The following CBFA2T2 variants were observed in gnomAD, a reference collection of about 807,000 sequenced individuals.
CBFA2T2 encodes CBFA2/RUNX1 partner transcriptional co-repressor 2, also known as protein CBFA2T2.
CBFA2T2 carries 11 observed loss-of-function variants against 62.2 expected under a neutral mutation model. That is an observed-to-expected ratio of 0.18 (90% CI 0.11 to 0.29). CBFA2T2 has a LOEUF of 0.29. Among genes scored for constraint, CBFA2T2 ranks in the 10% least tolerant of loss-of-function variants. CBFA2T2 has a pLI of 1.00. For missense variants in CBFA2T2, 592 were observed against 774.1 expected (o/e 0.76, Z 2.79); for synonymous variants, 295 against 287.5 (o/e 1.03, Z -0.27).
chr20:33,585,137 C>T (rs1367556002), intron 1 of CBFA2T2, among the ~76,000 whole-genome samples: 1 of 152,104 alleles, frequency 6.6e-6, no homozygotes, highest in East Asian at 1.9e-4. Flanking sequence ...AATGAGGTCC[C>T]TATAGCTAGA....
Position 33,552,811 on chromosome 20 carries a change from T to G in CBFA2T2, c.35-54145T>G, listed in dbSNP as rs376780201. ...CCATACATGCTGACTTCCTCCTGCT[T>G]CTTTCTGCTAGTCATACCTTTTACC... On this transcript the variant is annotated intron_variant, in intron 1 of 10. Coordinates refer to ENST00000342704, the MANE Select transcript of CBFA2T2 (RefSeq NM_001032999.3). Among the ~76,000 whole-genome samples, 45 of 152,306 alleles carry G rather than the reference T, an allele frequency of 3.0e-4. 1 individual carries two copies. The East Asian group carries it at 7.9e-3, about 27-fold the overall frequency.
intron 1 of CBFA2T2, among the ~76,000 whole-genome samples, chr20:33,510,585 G>A (rs569881669): frequency 1.8e-4 from 27 of 152,196 alleles, no homozygotes; most frequent in South Asian, 8.3e-4. Flanking sequence ...GAATAGTGCC[G>A]CAATAAACAT....
chr20:33,497,461 T>C (rs1031844590), intron 1 of CBFA2T2, among the ~76,000 whole-genome samples: 1 of 151,694 alleles, frequency 6.6e-6, no homozygotes, highest in African/African-American at 2.4e-5. Context: ...TCTTTCTAGT[T>C]CCATTATTAA....
chr20:33,504,403 C>CTTTTTTTT (rs533648842), intron 1 of CBFA2T2, among the ~76,000 whole-genome samples: 1 of 117,552 alleles, frequency 8.5e-6, no homozygotes, highest in South Asian at 2.6e-4. Context: ...TCATATTTAA[C>CTTTTTTTT]TTTTTTTTTT....
At chr20:33,512,010 C>T (rs1023876460) in intron 1 of CBFA2T2, among the ~76,000 whole-genome samples, 1 of 152,164 alleles carries the variant, frequency 6.6e-6, no homozygotes, top group African/African-American at 2.4e-5. Context: ...AACCCTGCCT[C>T]TACTAAAAAT....
At chr20:33,581,459 A>G (rs895908291) in intron 1 of CBFA2T2, among the ~76,000 whole-genome samples, 5 of 151,458 alleles carry the variant, frequency 3.3e-5, no homozygotes, top group African/African-American at 1.2e-4. Context: ...CTGTAACTCA[A>G]GGTTTTTTGT....
chr20:33,492,481 CA>C (rs2011154756), intron 1 of CBFA2T2, among the ~76,000 whole-genome samples: 2 of 150,694 alleles, frequency 1.3e-5, no homozygotes, highest in Non-Finnish European at 3.0e-5. Context: ...CCCAAAAGCA[CA>C]ACTTTTGCTT....
chr20:33,490,441 A>C, intron 1 of CBFA2T2, 140 bp downstream of exon 1: 1 of 895,712 alleles, frequency 1.1e-6, no homozygotes, highest in Non-Finnish European at 1.5e-6. Flanking sequence ...ATCCAAGGTC[A>C]CGCAGCGGGG....
chr20:33,600,182 G>GTTTTTTTTTTTTTT (rs1183371343), intron 1 of CBFA2T2, among the ~76,000 whole-genome samples: 2 of 62,048 alleles, frequency 3.2e-5, no homozygotes, highest in Admixed American at 3.7e-4. Context: ...CTTTTGGAAA[G>GTTTTTTTTTTTTTT]TTTTTTTTTT....
intron 7 of CBFA2T2, 105 bp from the exon 8 acceptor site, chr20:33,629,614 G>T: frequency 9.9e-7 from 1 of 1,011,956 alleles, no homozygotes; most frequent in Admixed American, 2.4e-5. Flanking sequence ...TCCTAAATCT[G>T]TACTTTAAGG....
At chr20:33,559,003 G>T (rs1307882735) in intron 1 of CBFA2T2, among the ~76,000 whole-genome samples, 1 of 151,978 alleles carries the variant, frequency 6.6e-6, no homozygotes, top group Non-Finnish European at 1.5e-5. Context: ...AGTTCATATA[G>T]GAAAGACAGA....
At chr20:33,496,325 G>C (rs2011198987) in intron 1 of CBFA2T2, among the ~76,000 whole-genome samples, 1 of 152,202 alleles carries the variant, frequency 6.6e-6, no homozygotes, top group Admixed American at 6.5e-5. Flanking sequence ...CCTGGCAGGG[G>C]CCAGATGGCA....
At chr20:33,547,073 A>G (rs1205938513) in intron 1 of CBFA2T2, among the ~76,000 whole-genome samples, 2 of 152,024 alleles carry the variant, frequency 1.3e-5, no homozygotes, top group Non-Finnish European at 2.9e-5. Context: ...TGGGGTACAC[A>G]TCTGTAGTCC....
chr20:33,542,547 CAT>C (rs1402292522), intron 1 of CBFA2T2, among the ~76,000 whole-genome samples: 2 of 152,072 alleles, frequency 1.3e-5, no homozygotes, highest in African/African-American at 4.8e-5. Context: ...ATATTGTGGA[CAT>C]ATGCATTTGA....
intron 8 of CBFA2T2, among the ~76,000 whole-genome samples, chr20:33,630,378 G>A (rs1195212063): frequency 1.3e-5 from 2 of 152,232 alleles, no homozygotes; most frequent in African/African-American, 4.8e-5. Context: ...GTCAAATTCA[G>A]CCTGGCTGGA....
chr20:33,507,208 T>C (rs143032056), intron 1 of CBFA2T2, among the ~76,000 whole-genome samples: 13 of 152,332 alleles, frequency 8.5e-5, no homozygotes, highest in Admixed American at 6.5e-4. Flanking sequence ...ATATTTACTT[T>C]GACAAACGTT....
chr20:33,573,467 ACTTCTT>A (rs748107934), intron 1 of CBFA2T2, among the ~76,000 whole-genome samples: 2 of 151,006 alleles, frequency 1.3e-5, no homozygotes, highest in African/African-American at 2.4e-5. Context: ...TTTGAGTACT[ACTTCTT>A]CTTCTTCTTC....
chr20:33,640,218 G>A, intron 9 of CBFA2T2, 123 bp from the exon 10 acceptor site: 2 of 890,258 alleles, frequency 2.2e-6, no homozygotes, highest in Non-Finnish European at 3.4e-6. Flanking sequence ...AAGATCATGT[G>A]TTCCTCCCTG....
At chr20:33,552,032 G>C (rs968025804) in intron 1 of CBFA2T2, among the ~76,000 whole-genome samples, 1 of 148,712 alleles carries the variant, frequency 6.7e-6, no homozygotes, top group Non-Finnish European at 1.5e-5. Context: ...TTGTTGTTCA[G>C]TTTTAATTTT....
Sources: gnomAD v4.1 joint callset for allele counts (sites outside exome capture counted in the v4.1 genomes callset) on GRCh38, gnomAD v4.1.1 for gene constraint, MANE v1.5 for transcripts, NCBI Gene and HGNC (gene_info 2026-07-23, HGNC 2026-07-21) for gene names.